SLC36A1: variants seen among roughly 807,000 people sequenced by gnomAD.
The protein encoded by SLC36A1 is solute carrier family 36 member 1, also known as proton-coupled amino acid transporter 1.
Under a neutral mutation model 47.5 loss-of-function variants are expected in SLC36A1, and 30 were observed. The ratio of observed to expected loss-of-function variants is 0.63; its 90% CI spans 0.47 to 0.86. The LOEUF is 0.86. Among genes scored for constraint, SLC36A1 ranks in the 40% least tolerant of loss-of-function variants. The pLI is 0.00. For synonymous variants in SLC36A1, 255 were observed against 249.7 expected (o/e 1.02, Z -0.20); for missense variants, 517 against 606.0 (o/e 0.85, Z 1.54).
At chr5:151,502,535 G>A in the SLC36A1 span, among the ~76,000 whole-genome samples, 1 of 147,564 alleles carries the variant, frequency 6.8e-6, no homozygotes, top group Non-Finnish European at 1.5e-5. Context: ...CAAAAAAAAA[G>A]CACATGAAAA....
chr5:151,403,905 T>C, the SLC36A1 span, among the ~76,000 whole-genome samples: 1 of 152,202 alleles, frequency 6.6e-6, no homozygotes, highest in African/African-American at 2.4e-5. Context: ...TGTGGTTGTT[T>C]GGTGGATTAT....
chr5:151,409,087 C>T, the SLC36A1 span, among the ~76,000 whole-genome samples: 1 of 151,344 alleles, frequency 6.6e-6, no homozygotes, highest in South Asian at 2.1e-4. Flanking sequence ...CAGTGTCAAC[C>T]TCCCAGGCTC....
the SLC36A1 span, among the ~76,000 whole-genome samples, chr5:151,515,846 C>G: frequency 6.6e-6 from 1 of 152,160 alleles, no homozygotes; most frequent in South Asian, 2.1e-4. Flanking sequence ...CATGATGACC[C>G]TTTTAAAATA....
chr5:151,409,338 C>G, the SLC36A1 span, among the ~76,000 whole-genome samples: 2 of 152,098 alleles, frequency 1.3e-5, no homozygotes, highest in Non-Finnish European at 1.5e-5. Context: ...GTTGCTCAGG[C>G]AGGAGGGCCC....
the SLC36A1 span, chr5:151,507,157 T>G: frequency 6.3e-7 from 1 of 1,577,364 alleles, no homozygotes; most frequent in Admixed American, 1.7e-5. Context: ...TACTGACCCA[T>G]CTCCTCGCTG....
At chr5:151,420,719 C>T in the SLC36A1 span, among the ~76,000 whole-genome samples, 2 of 152,136 alleles carry the variant, frequency 1.3e-5, no homozygotes, top group African/African-American at 2.4e-5. Flanking sequence ...TACGTATCCT[C>T]CCCTGCCTCA....
chr5:151,458,074 C>T (rs534009649), intron 1 of SLC36A1, among the ~76,000 whole-genome samples: 24 of 151,576 alleles, frequency 1.6e-4, no homozygotes, highest in African/African-American at 5.3e-4. Context: ...TCTTGAACTC[C>T]GGACCTCAGG....
chr5:151,544,526 G>T, the SLC36A1 span: 2 of 1,614,076 alleles, frequency 1.2e-6, no homozygotes, highest in Non-Finnish European at 1.7e-6. Context: ...ATGAGCCGGA[G>T]TCCCTCTGGA....
chr5:151,465,073 G>A lies in SLC36A1; in HGVS notation c.324-1G>A. On this transcript the variant is annotated splice_acceptor_variant, in intron 4 of 10. Transcript: ENST00000243389. LOFTEE classifies it high-confidence loss of function. ...CTTCCTCTTCCCTCCTACTCTTCCAGGCTGAATAAATCCTTTGTGGATTAT... is the reference window on the plus strand; with the variant it reads ...CTTCCTCTTCCCTCCTACTCTTCCAAGCTGAATAAATCCTTTGTGGATTAT... 6.2e-7 allele frequency: 1 copy of A among 1,612,474 alleles called. No individual in the cohort carries two copies. The highest frequency in any genetic ancestry group is 1.1e-5 in the South Asian group (1 of 91,040).
At chr5:151,458,310 A>G (rs907790254) in intron 1 of SLC36A1, among the ~76,000 whole-genome samples, 1,288 of 77,834 alleles carry the variant, frequency 0.017, 21 homozygotes, top group African/African-American at 0.045. Context: ...ACGTGTATAT[A>G]CGTATATATA....
chr5:151,375,576 GT>G, the SLC36A1 span, among the ~76,000 whole-genome samples: 9 of 150,838 alleles, frequency 6.0e-5, 1 homozygote, highest in South Asian at 1.1e-3. Context: ...AAATTTTAAG[GT>G]TTTTTTTTCT....
chr5:151,503,764 G>A, the SLC36A1 span, among the ~76,000 whole-genome samples: 1 of 152,084 alleles, frequency 6.6e-6, no homozygotes, highest in African/African-American at 2.4e-5. Context: ...GAAGCCCCAG[G>A]TCTTGTCCTG....
chr5:151,360,153 C>G, the SLC36A1 span, among the ~76,000 whole-genome samples: 1 of 152,102 alleles, frequency 6.6e-6, no homozygotes, highest in African/African-American at 2.4e-5. Context: ...GGATCCTCAA[C>G]AGTTGATTCT....
chr5:151,500,876 A>G, the SLC36A1 span, among the ~76,000 whole-genome samples: 1 of 152,226 alleles, frequency 6.6e-6, no homozygotes, highest in Non-Finnish European at 1.5e-5. Flanking sequence ...CCGCAGGCCC[A>G]GTAAACTGGT....
At chr5:151,486,642 T>G (rs1360222178) in intron 10 of SLC36A1, among the ~76,000 whole-genome samples, 1 of 152,226 alleles carries the variant, frequency 6.6e-6, no homozygotes, top group East Asian at 1.9e-4. Flanking sequence ...GTGACTTGAC[T>G]GCATTTTCGC....
the SLC36A1 span, among the ~76,000 whole-genome samples, chr5:151,385,009 A>AGTGTGTGTGT: frequency 1.3e-3 from 165 of 128,512 alleles, no homozygotes; most frequent in African/African-American, 4.9e-3. Context: ...AGAGAGAGAG[A>AGTGTGTGTGT]GTGTGTGTGT....
chr5:151,543,292 G>C, the SLC36A1 span: 2 of 1,614,086 alleles, frequency 1.2e-6, no homozygotes, highest in Non-Finnish European at 1.7e-6. Flanking sequence ...ACCTTCATCT[G>C]CATCATAGGC....
chr5:151,371,058 G>A, the SLC36A1 span, among the ~76,000 whole-genome samples: 3 of 152,032 alleles, frequency 2.0e-5, no homozygotes, highest in Non-Finnish European at 2.9e-5. Context: ...AGAACGTTTA[G>A]CAGCATCCTT....
chr5:151,433,241 TATATATATATATATATATATA>T, upstream of SLC36A1, among the ~76,000 whole-genome samples: 2 of 11,164 alleles, frequency 1.8e-4, no homozygotes, highest in African/African-American at 3.4e-4. Context: ...TATATATATA[TATATATATATATATATATATA>T]TATATTTTTT....
Sources: allele counts gnomAD v4.1 joint callset (sites outside exome capture counted in the v4.1 genomes callset), GRCh38; gene constraint gnomAD v4.1.1; transcripts MANE v1.5; gene names NCBI Gene and HGNC (gene_info 2026-07-23, HGNC 2026-07-21).